TSPEAR: variants seen among roughly 807,000 people sequenced by gnomAD.
The protein encoded by TSPEAR is thrombospondin-type laminin G domain and EAR repeat-containing protein.
In TSPEAR, 69 loss-of-function variants were observed where a neutral mutation model predicts 71.6. The observed-to-expected ratio is 0.96, with a 90% CI of 0.79 to 1.18. The LOEUF is 1.18. TSPEAR is among the 50% of genes most tolerant of loss of function. The pLI is 0.00. For missense variants in TSPEAR, 971 were observed against 894.9 expected (o/e 1.09, Z -1.09); for synonymous variants, 402 against 387.2 (o/e 1.04, Z -0.45).
chr21:44,585,751 CTCT>C (rs1979295999), intron 1 of TSPEAR, among the ~76,000 whole-genome samples: 2 of 152,142 alleles, frequency 1.3e-5, no homozygotes, highest in African/African-American at 2.4e-5. Flanking sequence ...TGGTAGCACT[CTCT>C]TCTTGTTTCA....
chr21:44,550,096 T>C (rs1288907275), intron 2 of TSPEAR, among the ~76,000 whole-genome samples: 1 of 152,218 alleles, frequency 6.6e-6, no homozygotes, highest in Non-Finnish European at 1.5e-5. Flanking sequence ...CCACAGTGCG[T>C]GGGGCGTTGG....
In TSPEAR at chr21:44,533,788, A is replaced by C; in HGVS notation, c.439T>G (p.Phe147Val). 6.2e-7 allele frequency: 1 copy of C among 1,612,556 alleles called. No individual in the cohort carries two copies. Among genetic ancestry groups the C allele is most frequent in the East Asian group, 2.2e-5 (1 of 44,844 alleles). ...CCATCCACCAGGGCCGGGCTGCGGAAGGACACTCGGGTCTGCCAGGCGCCG... is the reference window on the plus strand; with the variant it reads ...CCATCCACCAGGGCCGGGCTGCGGACGGACACTCGGGTCTGCCAGGCGCCG... ...TAGAWQTRVSFRSPALVDGRW... is the reference protein window; with the variant it reads ...TAGAWQTRVSVRSPALVDGRW... Residue 147 changes from phenylalanine (F) to valine (V), a missense_variant, in exon 3 of 12, where the codon TTC becomes GTC. Coordinates refer to ENST00000323084, the MANE Select transcript of TSPEAR (RefSeq NM_144991.3).
At position 44,504,809 on chromosome 21, in the gene TSPEAR, A is replaced by G. The variant is rs782232556; in HGVS notation, c.1827T>C (p.Arg609=). Residue 609 remains arginine (R), a synonymous_variant, in exon 11 of 12, where the codon CGT becomes CGC. Transcript: ENST00000323084. ...FLVVANSFDG[R]TFSVNSIIYR... ...AAATAATACTGTTCACCGAGAAGGT[A>G]CGCCCATCGAAGGAGTTGGCCACCA... 6.2e-7 allele frequency: 1 copy of G among 1,613,812 alleles called. No individual in the cohort carries two copies. The highest frequency in any genetic ancestry group is 1.7e-5 in the Admixed American group (1 of 60,012).
At chr21:44,527,590 G>A (rs1319460393) in intron 6 of TSPEAR, 72 bp from the exon 7 acceptor site, 3 of 1,475,800 alleles carry the variant, frequency 2.0e-6, no homozygotes, top group South Asian at 2.3e-5. Flanking sequence ...TCGCGGGAGC[G>A]CGATTCCCAA....
In TSPEAR at chr21:44,546,564, G is replaced by A. The variant is rs1211737466; in HGVS notation, c.304-12641C>T. 4.6e-5 allele frequency among the ~76,000 whole-genome samples: 7 copies of A among 152,166 alleles called. No individual in the cohort carries two copies. Among genetic ancestry groups the A allele is most frequent in the African/African-American group, 1.4e-4 (6 of 41,424 alleles). On this transcript the variant is annotated intron_variant, in intron 2 of 11. Coordinates refer to ENST00000323084, the MANE Select transcript of TSPEAR (RefSeq NM_144991.3). The surrounding 1 kb of genome is among the most constrained non-coding windows in gnomAD (Gnocchi z 4.4). ...AGGATGGTCTCAATCTCCTGACCTC[G>A]TGATCCACCTGCCTTGGCCTCCCAA...
chr21:44,536,155 C>A (rs1303244388), intron 2 of TSPEAR, among the ~76,000 whole-genome samples: 4 of 152,208 alleles, frequency 2.6e-5, no homozygotes, highest in Non-Finnish European at 4.4e-5. Context: ...AGAGGAGGGG[C>A]CTGCCCAGCT....
At chr21:44,556,393 C>CA (rs1233736947) in intron 2 of TSPEAR, among the ~76,000 whole-genome samples, 43 of 149,998 alleles carry the variant, frequency 2.9e-4, no homozygotes, top group South Asian at 2.1e-3. Context: ...ATAACAACAA[C>CA]AAAAAAAAAA....
intron 1 of TSPEAR, among the ~76,000 whole-genome samples, chr21:44,683,554 A>G (rs1126380): frequency 0.64 from 97,319 of 151,816 alleles, 31,358 homozygotes; most frequent in South Asian, 0.72. Context: ...TTGTGGTCCC[A>G]GCTACACGGT....
Position 44,612,914 on chromosome 21 carries a change from T to C in TSPEAR, c.83-44909A>G, listed in dbSNP as rs782427171. On this transcript the variant is annotated intron_variant, in intron 1 of 11. Coordinates refer to ENST00000323084, the MANE Select transcript of TSPEAR (RefSeq NM_144991.3). The surrounding 1 kb of genome is among the most constrained non-coding windows in gnomAD (Gnocchi z 4.1). ...CTCAGGCCAGGAGTCCAGCTGCTGATGGGCACGTCCCCCAGGGCCAGCCGG... is the reference window on the plus strand; with the variant it reads ...CTCAGGCCAGGAGTCCAGCTGCTGACGGGCACGTCCCCCAGGGCCAGCCGG... The C allele has an allele frequency of 6.2e-7, 1 of 1,604,840 alleles. No individual in the cohort carries two copies. Among genetic ancestry groups the C allele is most frequent in the Non-Finnish European group, 8.5e-7 (1 of 1,177,104 alleles).
intron 1 of TSPEAR, among the ~76,000 whole-genome samples, chr21:44,629,087 G>A (rs1278963098): frequency 4.6e-5 from 7 of 152,124 alleles, no homozygotes; most frequent in Admixed American, 3.9e-4. Flanking sequence ...ACAGGCAGAT[G>A]GCCAGAGCCA....
intron 1 of TSPEAR, chr21:44,677,114 T>G (rs1161831569): frequency 2.8e-6 from 2 of 715,730 alleles, no homozygotes; most frequent in African/African-American, 3.5e-5. Flanking sequence ...TGGACCTTTT[T>G]GACCACATTA....
intron 2 of TSPEAR, among the ~76,000 whole-genome samples, chr21:44,565,156 T>G (rs1464050324): frequency 1.3e-5 from 2 of 152,246 alleles, no homozygotes; most frequent in East Asian, 3.9e-4. Context: ...AGAGAGAAGT[T>G]TATAGTTGTA....
rs117158503 is a variant in TSPEAR, at chr21:44,695,442, T to C, written c.82+15991A>G. On this transcript the variant is annotated intron_variant, in intron 1 of 11. Coordinates refer to ENST00000323084, the MANE Select transcript of TSPEAR (RefSeq NM_144991.3). The surrounding 1 kb of genome is among the most constrained non-coding windows in gnomAD (Gnocchi z 4.5). ...CACGACTCAGGCCAGAGGCATCAGC[T>C]GGTCCTCCCTCCCTTGGGCCTCTCC... Among the ~76,000 whole-genome samples the C allele has an allele frequency of 4.9e-3, 753 of 152,264 alleles. 3 individuals are homozygous for C. Among genetic ancestry groups the C allele is most frequent in the Non-Finnish European group, 9.4e-3 (638 of 68,006 alleles).
intron 1 of TSPEAR, among the ~76,000 whole-genome samples, chr21:44,615,063 G>A (rs983618072): frequency 3.9e-5 from 6 of 152,248 alleles, no homozygotes; most frequent in Non-Finnish European, 7.3e-5. Context: ...ATGGGGGATT[G>A]GCACCACTGC....
At chr21:44,620,774 AT>A (rs587602339) in intron 1 of TSPEAR, among the ~76,000 whole-genome samples, 167 of 152,178 alleles carry the variant, frequency 1.1e-3, no homozygotes, top group African/African-American at 3.9e-3. Context: ...AGATGTTTCT[AT>A]TTTTTTATGT....
intron 1 of TSPEAR, among the ~76,000 whole-genome samples, chr21:44,569,238 G>A (rs1215783974): frequency 2.0e-5 from 3 of 152,206 alleles, no homozygotes; most frequent in South Asian, 2.1e-4. Context: ...ATCCTGGTCC[G>A]CACACGCGCA....
At chr21:44,697,040 TCC>T in intron 1 of TSPEAR, 1 of 1,060,346 alleles carries the variant, frequency 9.4e-7, no homozygotes, top group Non-Finnish European at 1.3e-6. Flanking sequence ...ACTCACTCCC[TCC>T]CTCCTGCCCA....
At chr21:44,583,002 CTT>C (rs35000802) in intron 1 of TSPEAR, among the ~76,000 whole-genome samples, 2 of 151,712 alleles carry the variant, frequency 1.3e-5, no homozygotes, top group African/African-American at 4.9e-5. Context: ...TTCTTTCTTT[CTT>C]TTTTTTTTTG....
Position 44,710,826 on chromosome 21 carries a change from G to A in TSPEAR, c.82+607C>T, listed in dbSNP as rs1555953462. ...AACAGCCTTTCTAAAAGGTGGGAAG[G>A]AGACCCCCAGGCTTCGCCAGGACCC... On this transcript the variant is annotated intron_variant, in intron 1 of 11. Transcript: ENST00000323084. This position sits in a 1 kb window ranked among gnomAD's most constrained non-coding sequence, Gnocchi z 4.6. Among the ~76,000 whole-genome samples, 2 of 152,248 alleles carry A rather than the reference G, an allele frequency of 1.3e-5. No individual in the cohort carries two copies. Among genetic ancestry groups the A allele is most frequent in the Non-Finnish European group, 2.9e-5 (2 of 68,048 alleles).
Sources: gnomAD v4.1 joint callset for allele counts (sites outside exome capture counted in the v4.1 genomes callset) on GRCh38, gnomAD v4.1.1 for gene constraint, Gnocchi (gnomAD v3.1) non-coding constraint, MANE v1.5 for transcripts, NCBI Gene and HGNC (gene_info 2026-07-23, HGNC 2026-07-21) for gene names.